ERC1: variants seen among roughly 807,000 people sequenced by gnomAD.
The protein encoded by ERC1 is ELKS/RAB6-interacting/CAST family member 1.
ERC1 carries 56 observed loss-of-function variants against 132.0 expected under a neutral mutation model. The ratio of observed to expected loss-of-function variants is 0.42; its 90% CI spans 0.34 to 0.53. The LOEUF is 0.53. Among genes scored for constraint, ERC1 ranks in the 20% least tolerant of loss-of-function variants. ERC1 has a pLI of 0.03. For synonymous variants in ERC1, 478 were observed against 476.1 expected, an observed-to-expected ratio of 1.00 and a Z score of -0.05; for missense variants, 1,202 against 1,349.9, an observed-to-expected ratio of 0.89 and a Z score of 1.72.
chr12:1,404,302 CATTT>C lies in ERC1; in HGVS notation c.2926-3839_2926-3836del, dbSNP rs534703375. Among the ~76,000 whole-genome samples, 7 of 151,792 alleles carry C rather than the reference CATTT, an allele frequency of 4.6e-5. No homozygotes were observed. The South Asian group carries it at 8.3e-4, about 18-fold the overall frequency. ...GGATACATTTATTTATTTACTCATC[CATTT>C]ATTTATTCATTCATTTATTTACTCA... is the stretch of plus-strand genomic sequence containing the variant. On this transcript the variant is annotated intron_variant, in intron 16 of 18. Coordinates refer to ENST00000360905, the MANE Select transcript of ERC1 (RefSeq NM_178040.4).
chr12:1,304,941 C>T (rs1264581340), intron 15 of ERC1, among the ~76,000 whole-genome samples: 6 of 151,384 alleles, frequency 4.0e-5, no homozygotes, highest in Admixed American at 3.9e-4. Flanking sequence ...AGGCGCCCGC[C>T]CCCACGCCCG....
chr12:1,095,790 G>C (rs1388795574), intron 3 of ERC1, among the ~76,000 whole-genome samples: 1 of 152,188 alleles, frequency 6.6e-6, no homozygotes, highest in Admixed American at 6.5e-5. Context: ...TGGAAGATGT[G>C]TTCATAGTGA....
chr12:1,158,745 G>A (rs943556797), intron 8 of ERC1, among the ~76,000 whole-genome samples: 14 of 151,848 alleles, frequency 9.2e-5, no homozygotes, highest in Admixed American at 8.5e-4. Context: ...GAGCCACCGC[G>A]CCTGGCTGTT....
At chr12:1,371,197 CCCT>C (rs138510516) in intron 15 of ERC1, among the ~76,000 whole-genome samples, 63,360 of 151,842 alleles carry the variant, frequency 0.42, 14,783 homozygotes, top group African/African-American at 0.63. Flanking sequence ...CCCCATTTCC[CCCT>C]CTCTCCTCTG....
At chr12:1,414,025 TC>T (rs1304248004) in intron 17 of ERC1, among the ~76,000 whole-genome samples, 1 of 152,088 alleles carries the variant, frequency 6.6e-6, no homozygotes, top group Non-Finnish European at 1.5e-5. Context: ...GCAACCTAGA[TC>T]CCTCCCATGC....
At chr12:1,385,724 C>T (rs569802881) in intron 16 of ERC1, 1 of 152,352 alleles carries the variant, frequency 6.6e-6, no homozygotes, top group Non-Finnish European at 1.5e-5. Context: ...CAGCAATGTT[C>T]CCTAAGCCCG....
At chr12:1,421,016 TA>T (rs779760671) in intron 17 of ERC1, among the ~76,000 whole-genome samples, 4 of 152,094 alleles carry the variant, frequency 2.6e-5, no homozygotes, top group Non-Finnish European at 4.4e-5. Context: ...ATTTTATGTT[TA>T]TAGGGTACAG....
At chr12:1,419,797 G>A (rs924689167) in intron 17 of ERC1, among the ~76,000 whole-genome samples, 1 of 149,194 alleles carries the variant, frequency 6.7e-6, no homozygotes, top group African/African-American at 2.5e-5. Flanking sequence ...TGAATTTTAT[G>A]TTATGTGTAT....
At chr12:1,277,246 G>A (rs919349985) in intron 14 of ERC1, among the ~76,000 whole-genome samples, 10 of 152,206 alleles carry the variant, frequency 6.6e-5, no homozygotes, top group African/African-American at 2.2e-4. Context: ...GGAAGTACCA[G>A]GCCACCATGT....
At chr12:1,164,191 T>C (rs74808915) in intron 8 of ERC1, among the ~76,000 whole-genome samples, 3,480 of 152,210 alleles carry the variant, frequency 0.023, 120 homozygotes, top group African/African-American at 0.077. Context: ...AGGTCACTTC[T>C]GTTGTATTCT....
chr12:1,298,357 C>T lies in ERC1; in HGVS notation c.2780+8345C>T, dbSNP rs376525797. ...AGGAGTTTGAGACCAGCTTGGCCAA[C>T]GTGGTGAAACCCCCATCTCTACTAA... On this transcript the variant is annotated intron_variant, in intron 15 of 18. Coordinates refer to ENST00000360905, the MANE Select transcript of ERC1 (RefSeq NM_178040.4). Among the ~76,000 whole-genome samples, 7 of 152,060 alleles carry T rather than the reference C, an allele frequency of 4.6e-5. No homozygotes were observed. In the South Asian group the frequency reaches 6.2e-4, roughly 14 times the overall value.
chr12:1,333,664 G>T (rs7956588), intron 15 of ERC1, among the ~76,000 whole-genome samples: 58,328 of 152,030 alleles, frequency 0.38, 11,486 homozygotes, highest in Middle Eastern at 0.44. Context: ...TGATGAGCAT[G>T]TAGGTTGATT....
intron 7 of ERC1, among the ~76,000 whole-genome samples, chr12:1,140,712 G>C (rs897555881): frequency 6.6e-6 from 1 of 152,142 alleles, no homozygotes; most frequent in African/African-American, 2.4e-5. Flanking sequence ...GATTTGCACT[G>C]TTCAGTCTGG....
chr12:1,441,028 C>T (rs1262963778), intron 17 of ERC1, among the ~76,000 whole-genome samples: 2 of 151,922 alleles, frequency 1.3e-5, no homozygotes, highest in African/African-American at 4.8e-5. Flanking sequence ...AATCAATTAG[C>T]CATCAGCATA....
intron 12 of ERC1, among the ~76,000 whole-genome samples, chr12:1,222,613 T>C (rs1959096250): frequency 6.6e-6 from 1 of 152,226 alleles, no homozygotes. Context: ...TTATTGTCTA[T>C]TTAAGCCCTA....
chr12:1,312,354 A>G (rs542301708), intron 15 of ERC1, among the ~76,000 whole-genome samples: 131 of 152,050 alleles, frequency 8.6e-4, no homozygotes, highest in Non-Finnish European at 1.5e-3. Flanking sequence ...TTGACATTGT[A>G]TTATTTGTTT....
At chr12:1,110,040 CAA>C in intron 4 of ERC1, 150 bp from the exon 5 acceptor site, 1 of 638,152 alleles carries the variant, frequency 1.6e-6, no homozygotes, top group Non-Finnish European at 2.6e-6. Context: ...GACTCTGTCT[CAA>C]AAAAAGGAAG....
chr12:1,301,376 T>G (rs1409854740), intron 15 of ERC1, among the ~76,000 whole-genome samples: 1 of 152,194 alleles, frequency 6.6e-6, no homozygotes, highest in Non-Finnish European at 1.5e-5. Flanking sequence ...ATATGTTCAT[T>G]GCAGCACTGT....
chr12:1,076,365 G>A (rs370282547), intron 2 of ERC1, among the ~76,000 whole-genome samples: 2 of 150,050 alleles, frequency 1.3e-5, no homozygotes, highest in African/African-American at 4.9e-5. Flanking sequence ...ACTTGTATTG[G>A]TTGGTGTAGA....
Sources: gnomAD v4.1 joint callset for allele counts (sites outside exome capture counted in the v4.1 genomes callset) on GRCh38, gnomAD v4.1.1 for gene constraint, MANE v1.5 for transcripts, NCBI Gene and HGNC (gene_info 2026-07-23, HGNC 2026-07-21) for gene names.